DPYSL3: variants seen among roughly 807,000 people sequenced by gnomAD.
DPYSL3 encodes the protein dihydropyrimidinase-related protein 3.
Under a neutral mutation model 66.1 loss-of-function variants are expected in DPYSL3, and 16 were observed. The observed-to-expected ratio is 0.24, with a 90% CI of 0.16 to 0.37. The LOEUF (loss-of-function observed/expected upper bound fraction) is 0.37. DPYSL3 is among the 10% of genes least tolerant of loss of function. The probability of loss-of-function intolerance (pLI) is 1.00; values close to 1 mark genes in which losing one functional copy is unlikely to be tolerated. For synonymous variants in DPYSL3, 338 were observed against 345.1 expected (o/e 0.98, Z 0.23); for missense variants, 738 against 916.2 (o/e 0.81, Z 2.51).
chr5:147,471,826 A>T (rs1249188317), intron 1 of DPYSL3, among the ~76,000 whole-genome samples: 2 of 152,178 alleles, frequency 1.3e-5, no homozygotes, highest in Non-Finnish European at 2.9e-5. Context: ...ATAGATTGAG[A>T]TAAATTTTGC....
chr5:147,416,144 C>T (rs1034363326), intron 3 of DPYSL3, among the ~76,000 whole-genome samples: 6 of 152,204 alleles, frequency 3.9e-5, no homozygotes, highest in African/African-American at 1.2e-4. Flanking sequence ...CAGGGTGTTA[C>T]TAGTGCCTTT....
At chr5:147,399,490 G>A (rs1758108207) in intron 10 of DPYSL3, among the ~76,000 whole-genome samples, 1 of 152,210 alleles carries the variant, frequency 6.6e-6, no homozygotes, top group South Asian at 2.1e-4. Context: ...CCTGAAGTAT[G>A]CATTTTTTTC....
At position 147,416,740 on chromosome 5, in the gene DPYSL3, G is replaced by A. The variant is rs568837265; in HGVS notation, c.656-867C>T. 7.2e-5 allele frequency among the ~76,000 whole-genome samples: 11 copies of A among 152,260 alleles called. No individual in the cohort carries two copies. The South Asian group carries it at 2.1e-3, about 29-fold the overall frequency. On this transcript the variant is annotated intron_variant, in intron 3 of 13. Transcript: ENST00000343218. ...ACGAATTATTCCTAGGGAAATAAAT[G>A]AGGCTGTATACAAAATTTTGGTTCC...
intron 1 of DPYSL3, among the ~76,000 whole-genome samples, chr5:147,489,014 TA>T (rs566621274): frequency 4.6e-3 from 632 of 137,230 alleles, no homozygotes; most frequent in Non-Finnish European, 5.4e-3. Flanking sequence ...AGACTTCATC[TA>T]AAAAAAAAAA....
rs930847026 is a variant in DPYSL3 at position 147,445,640 on chromosome 5, T to C, written c.382-20677A>G. Among the ~76,000 whole-genome samples, 6 of 152,184 alleles carry C rather than the reference T, an allele frequency of 3.9e-5. No homozygotes were observed. In the East Asian group the frequency reaches 5.8e-4, roughly 15 times the overall value. ...GGCCTTTGGGGGTAGATTATTTCCATTGGATGGCAGCCATCATATTTAAAA... is the reference window on the plus strand; with the variant it reads ...GGCCTTTGGGGGTAGATTATTTCCACTGGATGGCAGCCATCATATTTAAAA... On this transcript the variant is annotated intron_variant, in intron 1 of 13. Coordinates refer to ENST00000343218, the MANE Select transcript of DPYSL3 (RefSeq NM_001197294.2).
chr5:147,418,346 T>G, intron 3 of DPYSL3, 101 bp downstream of exon 3: 1 of 1,255,014 alleles, frequency 8.0e-7, no homozygotes, highest in East Asian at 2.5e-5. Context: ...TAAACTGAAC[T>G]GGGACAAGTA....
intron 1 of DPYSL3, among the ~76,000 whole-genome samples, chr5:147,446,440 C>A (rs1752630509): frequency 6.6e-6 from 1 of 152,228 alleles, no homozygotes; most frequent in Non-Finnish European, 1.5e-5. Context: ...TTGTCCAGCA[C>A]TTCCAGAGAA....
At chr5:147,436,771 G>A (rs1183861289) in intron 1 of DPYSL3, among the ~76,000 whole-genome samples, 2 of 152,218 alleles carry the variant, frequency 1.3e-5, no homozygotes, top group Non-Finnish European at 2.9e-5. Context: ...AGTAACTGAA[G>A]AGGAAGGGAA....
Position 147,397,624 on chromosome 5 carries a change from C to T in DPYSL3, c.1803+42G>A, listed in dbSNP as rs777267909. ...TTACTATCTCTGAGCGTGAGTGGAA[C>T]ACAAAGCTCCTGCACCACCTCAGAG... On this transcript the variant is annotated intron_variant, in intron 12 of 13. Transcript: ENST00000343218. 1.5e-5 allele frequency: 24 copies of T among 1,586,176 alleles called. No homozygotes were observed. In the African/African-American group the frequency reaches 2.4e-4, roughly 16 times the overall value.
At position 147,405,479 on chromosome 5, in the gene DPYSL3, G is replaced by T. The variant is rs1758303143; in HGVS notation, c.1153+131C>A. 2.4e-6 allele frequency: 3 copies of T among 1,276,370 alleles called. No homozygotes were observed. In the East Asian group the frequency reaches 7.5e-5, roughly 32 times the overall value. 79.1% of individuals were successfully genotyped at this position (1,276,370 alleles called of 1,614,324 possible). ...CAGGATCCTCCCATCCACACAGGAT[G>T]TGGAGAGCGGCTTCCTAGGGAGCAA... On this transcript the variant is annotated intron_variant, in intron 8 of 13. Transcript: ENST00000343218.
chr5:147,463,127 T>C (rs1185742882), intron 1 of DPYSL3, among the ~76,000 whole-genome samples: 1 of 152,124 alleles, frequency 6.6e-6, no homozygotes, highest in Non-Finnish European at 1.5e-5. Context: ...TAGTCTCCCA[T>C]GTCATCCACT....
At chr5:147,418,089 G>A (rs760554707) in intron 3 of DPYSL3, among the ~76,000 whole-genome samples, 1 of 152,136 alleles carries the variant, frequency 6.6e-6, no homozygotes. Flanking sequence ...ACCCAAGTGG[G>A]CAGTTTTGAA....
At chr5:147,476,153 C>G (rs1303810962) in intron 1 of DPYSL3, among the ~76,000 whole-genome samples, 2 of 152,012 alleles carry the variant, frequency 1.3e-5, no homozygotes, top group Admixed American at 6.6e-5. Context: ...TGGTCACAAA[C>G]TCGATTATGA....
intron 1 of DPYSL3, among the ~76,000 whole-genome samples, chr5:147,490,930 C>T (rs1336590802): frequency 6.6e-6 from 1 of 152,162 alleles, no homozygotes; most frequent in Non-Finnish European, 1.5e-5. Context: ...TCTGCCAGGA[C>T]CTCATAGTCA....
chr5:147,397,195 C>T (rs4705169), intron 12 of DPYSL3, among the ~76,000 whole-genome samples: 67,493 of 149,962 alleles, frequency 0.45, 15,943 homozygotes, highest in African/African-American at 0.56. Context: ...TATATACACA[C>T]ATATCTCTGT....
intron 2 of DPYSL3, among the ~76,000 whole-genome samples, chr5:147,423,543 A>G (rs142160711): frequency 1.2e-4 from 18 of 152,220 alleles, no homozygotes; most frequent in Admixed American, 3.3e-4. Context: ...AATAAAAAGT[A>G]GCTCTTATCA....
Position 147,509,984 on chromosome 5 carries a change from C to T in DPYSL3, c.-126G>A. 1 of 1,381,372 alleles carries T rather than the reference C, an allele frequency of 7.2e-7. No individual in the cohort carries two copies. Among genetic ancestry groups the T allele is most frequent in the Non-Finnish European group, 9.5e-7 (1 of 1,051,898 alleles). The allele number at this position is 1,381,372 out of a possible 1,614,324, so 85.6% of individuals were successfully genotyped here. On this transcript the variant is annotated 5_prime_UTR_variant, in exon 1 of 14. Transcript: ENST00000343218. This position sits in a 1 kb window ranked among gnomAD's most constrained non-coding sequence, Gnocchi z 5.3. ...GGCGCCTGAGCCTTCGCGCCAGAGGCGGCAGTGCTGCTCCGATTCCTGCTT... is the reference window on the plus strand; with the variant it reads ...GGCGCCTGAGCCTTCGCGCCAGAGGTGGCAGTGCTGCTCCGATTCCTGCTT...
At chr5:147,428,160 A>C (rs549216146) in intron 1 of DPYSL3, among the ~76,000 whole-genome samples, 8 of 152,350 alleles carry the variant, frequency 5.3e-5, no homozygotes, top group African/African-American at 1.9e-4. Flanking sequence ...TTTCTGGCTC[A>C]ATAATCAGGA....
intron 1 of DPYSL3, among the ~76,000 whole-genome samples, chr5:147,457,425 A>T (rs1265824080): frequency 3.3e-5 from 5 of 152,210 alleles, no homozygotes; most frequent in Admixed American, 1.3e-4. Flanking sequence ...AGAATTTTTT[A>T]AAATTGCATC....
Sources: allele counts gnomAD v4.1 joint callset (sites outside exome capture counted in the v4.1 genomes callset), GRCh38; gene constraint gnomAD v4.1.1; non-coding constraint Gnocchi (gnomAD v3.1); transcripts MANE v1.5; gene names NCBI Gene and HGNC (gene_info 2026-07-23, HGNC 2026-07-21).